The following ZFHX3 variants were observed in gnomAD, a reference collection of about 807,000 sequenced individuals.
ZFHX3 encodes zinc finger homeobox 3.
ZFHX3 carries 42 observed loss-of-function variants against 279.1 expected under a neutral mutation model. The observed-to-expected ratio is 0.15, with a 90% CI of 0.12 to 0.19. The LOEUF is 0.19. ZFHX3 is among the 10% of genes least tolerant of loss of function. ZFHX3 has a pLI of 1.00. For synonymous variants in ZFHX3, 2,293 were observed against 1,957.8 expected (o/e 1.17, Z -4.52); for missense variants, 4,981 against 4,754.0 (o/e 1.05, Z -1.40).
rs9972696 is a variant in ZFHX3 at position 72,811,827 on chromosome 16, C to T, written c.3664-50G>A. On this transcript the variant is annotated intron_variant, in intron 6 of 9. Coordinates refer to ENST00000268489, the MANE Select transcript of ZFHX3 (RefSeq NM_006885.4). Reference sequence around the variant, plus strand: ...TGAGCAACTGTGTGTGCCCCAAGCCCGCCCACCCAAAAGTTTGTTCCCTAC... The same window carrying T: ...TGAGCAACTGTGTGTGCCCCAAGCCTGCCCACCCAAAAGTTTGTTCCCTAC... 4,803 of 1,596,842 alleles carry T rather than the reference C, an allele frequency of 3.0e-3. 20 individuals are homozygous for T. The highest frequency in any genetic ancestry group is 5.3e-3 in the Admixed American group (316 of 59,414).
intron 2 of ZFHX3, among the ~76,000 whole-genome samples, chr16:73,619,588 T>C (rs1409356536): frequency 6.6e-6 from 1 of 152,062 alleles, no homozygotes; most frequent in Non-Finnish European, 1.5e-5. Context: ...AATGTTCTTT[T>C]AATGTCTCAT....
intron 3 of ZFHX3, among the ~76,000 whole-genome samples, chr16:72,947,841 A>G (rs1231491949): frequency 6.6e-6 from 1 of 152,210 alleles, no homozygotes. Flanking sequence ...ACTGTGCTCT[A>G]AACTGATTAT....
In ZFHX3 at chr16:73,435,769, G is replaced by A. The variant is rs564601900; in HGVS notation, c.-1291+20234C>T. Among the ~76,000 whole-genome samples, 13 of 152,276 alleles carry A rather than the reference G, an allele frequency of 8.5e-5. No homozygotes were observed. In the South Asian group the frequency reaches 2.7e-3, roughly 32 times the overall value. On this transcript the variant is annotated intron_variant, in intron 3 of 17. Transcript: ENST00000641206. ...TCAAGTTCTCCCCTGTTCTGAGTTG[G>A]GGCTCACAGGTACTCACCAATGAGT...
At chr16:73,423,547 G>C (rs557954713) in intron 3 of ZFHX3, among the ~76,000 whole-genome samples, 1 of 151,618 alleles carries the variant, frequency 6.6e-6, no homozygotes, top group African/African-American at 2.4e-5. Context: ...AAGGATTCTG[G>C]GGAAAAGTTT....
At chr16:73,868,507 G>A (rs1962086686) in intron 1 of ZFHX3, among the ~76,000 whole-genome samples, 1 of 152,236 alleles carries the variant, frequency 6.6e-6, no homozygotes, top group South Asian at 2.1e-4. Flanking sequence ...CTGGGCAACA[G>A]AGCAGGATTC....
intron 2 of ZFHX3, among the ~76,000 whole-genome samples, chr16:73,476,280 C>T (rs751002552): frequency 2.0e-5 from 3 of 151,886 alleles, no homozygotes; most frequent in South Asian, 2.1e-4. Flanking sequence ...TCTATTCTTT[C>T]GAGATTTTGA....
intron 1 of ZFHX3, among the ~76,000 whole-genome samples, chr16:73,719,950 T>C (rs991415427): frequency 5.3e-5 from 8 of 152,238 alleles, no homozygotes; most frequent in Non-Finnish European, 7.3e-5. Context: ...CTCACGGCTA[T>C]CTTCCACTAC....
At chr16:72,881,007 C>G (rs1361524274) in intron 4 of ZFHX3, among the ~76,000 whole-genome samples, 1 of 152,196 alleles carries the variant, frequency 6.6e-6, no homozygotes, top group Non-Finnish European at 1.5e-5. Context: ...TGTACCCTAT[C>G]CAGGCTGGCG....
chr16:73,269,620 T>C (rs190185457), intron 4 of ZFHX3, among the ~76,000 whole-genome samples: 1 of 152,222 alleles, frequency 6.6e-6, no homozygotes, highest in African/African-American at 2.4e-5. Flanking sequence ...CCACGAATAT[T>C]CATGTACATC....
chr16:73,756,320 T>C (rs1277575174), intron 1 of ZFHX3, among the ~76,000 whole-genome samples: 1 of 152,156 alleles, frequency 6.6e-6, no homozygotes, highest in African/African-American at 2.4e-5. Flanking sequence ...TAGAGTATAA[T>C]CTGATAGGCC....
chr16:73,628,959 G>A (rs923991425), intron 2 of ZFHX3, among the ~76,000 whole-genome samples: 1 of 152,240 alleles, frequency 6.6e-6, no homozygotes, highest in Admixed American at 6.5e-5. Context: ...GAAAGAAGGG[G>A]TGTGTGGCTG....
intron 1 of ZFHX3, among the ~76,000 whole-genome samples, chr16:73,696,316 G>T (rs1017877854): frequency 3.3e-5 from 5 of 152,128 alleles, no homozygotes; most frequent in African/African-American, 1.2e-4. Context: ...GCAGAACACC[G>T]TCAGGGTCTG....
chr16:72,978,486 C>T (rs1338652268), intron 1 of ZFHX3, among the ~76,000 whole-genome samples: 1 of 152,152 alleles, frequency 6.6e-6, no homozygotes, highest in Admixed American at 6.5e-5. Flanking sequence ...CCCAGCCACA[C>T]CCAGGACCCC....
intron 4 of ZFHX3, among the ~76,000 whole-genome samples, chr16:73,272,783 G>C (rs781417673): frequency 4.6e-5 from 7 of 152,126 alleles, no homozygotes; most frequent in Non-Finnish European, 1.0e-4. Context: ...GTGTTACTCT[G>C]TCGCCCAGGC....
Position 72,785,187 on chromosome 16 carries a change from A to ATGTT in ZFHX3, c.*1973_*1976dup, listed in dbSNP as rs1178237560. 4 of 152,676 alleles carry ATGTT rather than the reference A, an allele frequency of 2.6e-5. No homozygotes were observed. The highest frequency in any genetic ancestry group is 4.4e-5 in the Non-Finnish European group (3 of 68,038). The allele number at this position is 152,676 out of a possible 1,614,324, so 9.5% of individuals were successfully genotyped here. On this transcript the variant is annotated 3_prime_UTR_variant, in exon 10 of 10. Coordinates refer to ENST00000268489, the MANE Select transcript of ZFHX3 (RefSeq NM_006885.4). ...ATCTATTTATTTGTCTCCAAAATCT[A>ATGTT]TGTTTTAGCAGCACAAAGTTTTCAA...
At chr16:73,134,338 T>C (rs1360604933) in intron 6 of ZFHX3, among the ~76,000 whole-genome samples, 3 of 129,002 alleles carry the variant, frequency 2.3e-5, no homozygotes, top group Admixed American at 7.9e-5. Context: ...CCTCTTTTTT[T>C]TTTTTTTTTT....
intron 5 of ZFHX3, among the ~76,000 whole-genome samples, chr16:73,190,690 G>C (rs777182996): frequency 6.6e-6 from 1 of 152,164 alleles, no homozygotes; most frequent in Non-Finnish European, 1.5e-5. Flanking sequence ...AAAGCTACTT[G>C]TTGTGGCTGA....
Position 73,708,565 on chromosome 16 carries a change from T to C in ZFHX3, c.-1607-28325A>G, listed in dbSNP as rs116003994. Among the ~76,000 whole-genome samples, 471 of 152,346 alleles carry C rather than the reference T, an allele frequency of 3.1e-3. 3 individuals carry two copies. Among genetic ancestry groups the C allele is most frequent in the African/African-American group, 0.011 (440 of 41,578 alleles). On this transcript the variant is annotated intron_variant, in intron 1 of 17. Coordinates refer to the ZFHX3 transcript ENST00000641206. ...TAAGTAGTAGGATTACCATCAGAAC[T>C]GTTATCACATTCCATTCCCTCAGTG...
intron 5 of ZFHX3, among the ~76,000 whole-genome samples, chr16:72,817,786 C>A (rs1465402105): frequency 1.3e-5 from 2 of 152,120 alleles, no homozygotes; most frequent in Non-Finnish European, 2.9e-5. Flanking sequence ...CTGAGGTGAG[C>A]CCACTGAGGG....
Sources: gnomAD v4.1 joint callset for allele counts (sites outside exome capture counted in the v4.1 genomes callset) on GRCh38, gnomAD v4.1.1 for gene constraint, MANE v1.5 for transcripts, NCBI Gene and HGNC (gene_info 2026-07-23, HGNC 2026-07-21) for gene names.